The following MYT1L variants were observed in gnomAD, a reference collection of about 807,000 sequenced individuals.
The protein encoded by MYT1L is myelin transcription factor 1-like protein.
MYT1L carries 12 observed loss-of-function variants against 126.7 expected under a neutral mutation model. The ratio of observed to expected loss-of-function variants is 0.09; its 90% CI spans 0.06 to 0.15. MYT1L has a LOEUF of 0.15. Ranked by LOEUF, MYT1L falls within the 10% of genes least tolerant of loss-of-function variation. The probability of loss-of-function intolerance (pLI) is 1.00; values close to 1 mark genes in which losing one functional copy is unlikely to be tolerated. For missense variants in MYT1L, 979 were observed against 1,585.2 expected (o/e 0.62, Z 6.49); for synonymous variants, 541 against 604.2 (o/e 0.90, Z 1.53).
chr2:1,909,406 G>A lies in MYT1L; in HGVS notation c.1817+834C>T, dbSNP rs373619254. Among the ~76,000 whole-genome samples the A allele has an allele frequency of 4.6e-5, 7 of 152,186 alleles. No individual in the cohort carries two copies. The East Asian group carries it at 1.3e-3, about 29-fold the overall frequency. On this transcript the variant is annotated intron_variant, in intron 13 of 24. Coordinates refer to ENST00000647738, the MANE Select transcript of MYT1L (RefSeq NM_001303052.2). Reference sequence around the variant, plus strand: ...GGTACATCTGAACAGTAGAATATACGTAGCTGTGAAGATGACAATTAAGAT... The same window carrying A: ...GGTACATCTGAACAGTAGAATATACATAGCTGTGAAGATGACAATTAAGAT...
intron 11 of MYT1L, among the ~76,000 whole-genome samples, chr2:1,914,249 G>C (rs1306200860): frequency 6.6e-6 from 1 of 151,170 alleles, no homozygotes; most frequent in Non-Finnish European, 1.5e-5. Context: ...GCGAGACTCT[G>C]TCTAAAAAAA....
chr2:2,237,411 G>T (rs760014210), intron 2 of MYT1L, among the ~76,000 whole-genome samples: 1 of 152,134 alleles, frequency 6.6e-6, no homozygotes, highest in Non-Finnish European at 1.5e-5. Context: ...GAGCACTAAT[G>T]TCTCCTCGCA....
chr2:2,103,538 A>T (rs1311814392), intron 3 of MYT1L, among the ~76,000 whole-genome samples: 2 of 152,264 alleles, frequency 1.3e-5, no homozygotes, highest in Non-Finnish European at 2.9e-5. Context: ...CAGAGATGCC[A>T]TCTGATGCAC....
intron 18 of MYT1L, among the ~76,000 whole-genome samples, chr2:1,869,438 G>A (rs552081417): frequency 2.6e-5 from 4 of 152,362 alleles, no homozygotes; most frequent in East Asian, 1.9e-4. Flanking sequence ...TCCTGTGCAC[G>A]GTGCCGGTGC....
intron 3 of MYT1L, among the ~76,000 whole-genome samples, chr2:2,159,792 A>G (rs1026021419): frequency 3.5e-4 from 53 of 152,110 alleles, no homozygotes; most frequent in African/African-American, 1.2e-3. Context: ...TACCTTGCCT[A>G]GTACCTTTGC....
In MYT1L at chr2:2,140,432, C is replaced by CTTTTT. The variant is rs35297300; in HGVS notation, c.-304+32435_-304+32439dup. 5.1e-3 allele frequency among the ~76,000 whole-genome samples: 573 copies of CTTTTT among 112,886 alleles called. 6 individuals carry two copies. Among genetic ancestry groups the CTTTTT allele is most frequent in the Non-Finnish European group, 7.6e-3 (419 of 55,162 alleles). 74.1% of individuals were successfully genotyped at this position (112,886 alleles called of 152,430 possible). ...GTCTTTATTTTTTTTCTTTCTTTTT[C>CTTTTT]TTTTTTTTTTTTTTTTTTTTGAGAC... On this transcript the variant is annotated intron_variant, in intron 3 of 24. Coordinates refer to ENST00000647738, the MANE Select transcript of MYT1L (RefSeq NM_001303052.2).
chr2:2,180,001 G>A (rs976794870), intron 2 of MYT1L, among the ~76,000 whole-genome samples: 16 of 152,106 alleles, frequency 1.1e-4, no homozygotes, highest in African/African-American at 2.7e-4. Context: ...TCGCTGATCC[G>A]TTCATACCTT....
Position 2,267,386 on chromosome 2 carries a change from G to A in MYT1L, c.-421+17018C>T, listed in dbSNP as rs542880732. ...GAAGATCCCCAAACAGGTAAAAAGC[G>A]GAGCAGAGTGTAAACCCACATGAAG... On this transcript the variant is annotated intron_variant, in intron 2 of 24. Transcript: ENST00000647738. Among the ~76,000 whole-genome samples, 16 of 152,292 alleles carry A rather than the reference G, an allele frequency of 1.1e-4. No individual in the cohort carries two copies. The East Asian group carries it at 1.9e-3, about 18-fold the overall frequency.
At chr2:1,966,787 G>T (rs1293158497) in intron 8 of MYT1L, among the ~76,000 whole-genome samples, 2 of 140,388 alleles carry the variant, frequency 1.4e-5, no homozygotes, top group African/African-American at 5.6e-5. Context: ...AAAAAAAAAA[G>T]AATACAAAAT....
At chr2:2,162,651 G>T (rs2088211613) in intron 3 of MYT1L, among the ~76,000 whole-genome samples, 1 of 152,182 alleles carries the variant, frequency 6.6e-6, no homozygotes, top group South Asian at 2.1e-4. Flanking sequence ...CTAATTTCTG[G>T]AAGACTCAGA....
intron 3 of MYT1L, among the ~76,000 whole-genome samples, chr2:2,101,440 AC>A (rs1368389971): frequency 1.3e-5 from 2 of 152,072 alleles, no homozygotes; most frequent in Non-Finnish European, 2.9e-5. Context: ...CATTAAATCC[AC>A]TCATCAATCT....
chr2:2,287,075 G>A (rs900859731), intron 1 of MYT1L, among the ~76,000 whole-genome samples: 3 of 152,104 alleles, frequency 2.0e-5, no homozygotes, highest in Non-Finnish European at 4.4e-5. Context: ...TGACCAACAT[G>A]GAGAAACCCG....
intron 2 of MYT1L, among the ~76,000 whole-genome samples, chr2:2,254,965 A>G (rs2094766330): frequency 6.6e-6 from 1 of 152,190 alleles, no homozygotes; most frequent in African/African-American, 2.4e-5. Context: ...TTTCCTACAT[A>G]AATATTTCCA....
intron 8 of MYT1L, among the ~76,000 whole-genome samples, chr2:1,961,790 A>G (rs2058981417): frequency 1.3e-5 from 2 of 152,254 alleles, no homozygotes; most frequent in South Asian, 4.1e-4. Flanking sequence ...CAATCAAGCA[A>G]CTCACACAGA....
chr2:2,060,207 C>A (rs2070210447), intron 3 of MYT1L, among the ~76,000 whole-genome samples: 1 of 152,180 alleles, frequency 6.6e-6, no homozygotes. Context: ...ACTGTAGGGT[C>A]CCTTTCACAG....
chr2:2,155,421 G>T (rs2086566004), intron 3 of MYT1L, among the ~76,000 whole-genome samples: 1 of 152,054 alleles, frequency 6.6e-6, no homozygotes, highest in Admixed American at 6.6e-5. Flanking sequence ...ATATTTTTCT[G>T]TCTATTAACA....
At chr2:1,970,334 C>T (rs1342130724) in intron 8 of MYT1L, among the ~76,000 whole-genome samples, 1 of 152,164 alleles carries the variant, frequency 6.6e-6, no homozygotes, top group Non-Finnish European at 1.5e-5. Context: ...AAGTATTTGC[C>T]GTGAGTGCAG....
chr2:2,080,314 G>C (rs893104570), intron 3 of MYT1L, among the ~76,000 whole-genome samples: 1 of 151,850 alleles, frequency 6.6e-6, no homozygotes, highest in East Asian at 1.9e-4. Context: ...GAAAAAAAAA[G>C]CAAACGCATA....
intron 3 of MYT1L, among the ~76,000 whole-genome samples, chr2:2,137,335 A>T (rs2083209668): frequency 6.6e-6 from 1 of 152,196 alleles, no homozygotes; most frequent in South Asian, 2.1e-4. Flanking sequence ...ATTGGAAAAA[A>T]CTACTTTAAA....
Sources: gnomAD v4.1 joint callset for allele counts (sites outside exome capture counted in the v4.1 genomes callset) on GRCh38, gnomAD v4.1.1 for gene constraint, MANE v1.5 for transcripts, NCBI Gene and HGNC (gene_info 2026-07-23, HGNC 2026-07-21) for gene names.